Variants in RAPGEF6 observed in about 807,000 individuals in gnomAD.
The protein encoded by RAPGEF6 is PDZ domain containing guanine nucleotide exchange factor (GEF) 2.
Under a neutral mutation model 171.4 loss-of-function variants are expected in RAPGEF6, and 56 were observed. That is an observed-to-expected ratio of 0.33 (90% CI 0.26 to 0.41). The LOEUF is 0.41. Ranked by LOEUF, RAPGEF6 falls within the 10% of genes least tolerant of loss-of-function variation. The pLI, the probability that RAPGEF6 is intolerant of heterozygous loss-of-function variation, is 1.00. For missense variants in RAPGEF6, 1,674 were observed against 1,921.4 expected (o/e 0.87, Z 2.41); for synonymous variants, 692 against 650.1 (o/e 1.06, Z -0.98).
chr5:131,629,287 C>G (rs959597830), intron 1 of RAPGEF6, among the ~76,000 whole-genome samples: 1 of 151,464 alleles, frequency 6.6e-6, no homozygotes, highest in Non-Finnish European at 1.5e-5. Context: ...CAAGACCAGT[C>G]CAGGCAATGT....
At chr5:131,521,885 ACACACACTCTCT>A (rs1210575886) in intron 6 of RAPGEF6, among the ~76,000 whole-genome samples, 3 of 126,886 alleles carry the variant, frequency 2.4e-5, no homozygotes, top group African/African-American at 9.9e-5. Context: ...ACACACACAC[ACACACACTCTCT>A]CTCTCTCTCA....
chr5:131,549,056 C>T (rs1032132216), intron 5 of RAPGEF6, among the ~76,000 whole-genome samples: 1 of 151,930 alleles, frequency 6.6e-6, no homozygotes, highest in Non-Finnish European at 1.5e-5. Flanking sequence ...AGGACAAAAA[C>T]CCTGTCTCAA....
At chr5:131,628,895 G>C in intron 1 of RAPGEF6, among the ~76,000 whole-genome samples, 1 of 152,058 alleles carries the variant, frequency 6.6e-6, no homozygotes, top group East Asian at 1.9e-4. Context: ...GAGACCCACT[G>C]CTCAGAAAAA....
rs181307611 is a variant in RAPGEF6 at position 131,479,043 on chromosome 5, T to C, written c.2081+470A>G. ...AGTATTTTACAGACCTTAATTTACA[T>C]TTAAAATCTTCAAGTATTACTAAGT... On this transcript the variant is annotated intron_variant, in intron 16 of 27. Coordinates refer to ENST00000509018, the MANE Select transcript of RAPGEF6 (RefSeq NM_016340.6). 2.6e-5 allele frequency among the ~76,000 whole-genome samples: 4 copies of C among 152,274 alleles called. No individual in the cohort carries two copies. The East Asian group carries it at 7.7e-4, about 29-fold the overall frequency.
intron 7 of RAPGEF6, among the ~76,000 whole-genome samples, 172 bp downstream of exon 7, chr5:131,521,218 C>T (rs1371589089): frequency 6.6e-6 from 1 of 152,158 alleles, no homozygotes; most frequent in Non-Finnish European, 1.5e-5. Context: ...AGACAGATCA[C>T]GTCTTTAATC....
At chr5:131,557,431 C>T (rs1161230716) in intron 5 of RAPGEF6, among the ~76,000 whole-genome samples, 2 of 152,144 alleles carry the variant, frequency 1.3e-5, no homozygotes, top group African/African-American at 4.8e-5. Flanking sequence ...GAGTATCCAA[C>T]GACCTTGTTG....
chr5:131,480,403 G>C (rs1755392192), intron 15 of RAPGEF6, among the ~76,000 whole-genome samples: 1 of 152,150 alleles, frequency 6.6e-6, no homozygotes, highest in Admixed American at 6.5e-5. Flanking sequence ...GTCAGGTTCA[G>C]ATTGTAAAAT....
intron 1 of RAPGEF6, among the ~76,000 whole-genome samples, chr5:131,623,833 C>T (rs1314616566): frequency 6.6e-6 from 1 of 152,178 alleles, no homozygotes; most frequent in Non-Finnish European, 1.5e-5. Context: ...TAGATATCTA[C>T]TATGTACCAA....
intron 4 of RAPGEF6, among the ~76,000 whole-genome samples, chr5:131,584,149 C>T (rs1365009798): frequency 6.6e-6 from 1 of 152,120 alleles, no homozygotes; most frequent in African/African-American, 2.4e-5. Flanking sequence ...TATGCCAAAG[C>T]TTATCAAACT....
At chr5:131,456,123 T>C (rs971698666) in intron 19 of RAPGEF6, 111 bp from the exon 20 acceptor site, 6 of 684,010 alleles carry the variant, frequency 8.8e-6, no homozygotes, top group African/African-American at 7.2e-5. Context: ...CAGGGACATA[T>C]TTTAACACAT....
At chr5:131,456,799 T>TCC (rs1753545399) in intron 19 of RAPGEF6, among the ~76,000 whole-genome samples, 1 of 152,242 alleles carries the variant, frequency 6.6e-6, no homozygotes, top group Admixed American at 6.5e-5. Flanking sequence ...GAGTTAGGTA[T>TCC]CTTTGTTCCC....
rs1753950452 is a variant in RAPGEF6, at chr5:131,461,731, G to A, written c.2838C>T (p.Asn946=). ...TTATTATTGCAAACATGGAATTGAA[G>A]TTCTTACATTCTCGACAATGAAGTG... ...KIALHCRECK[N]FNSMFAIISG... is the part of the protein sequence containing the mutation. The change falls in exon 19 of 28, where the codon AAC becomes AAT. Residue 946 remains asparagine, a synonymous_variant. Coordinates refer to ENST00000509018, the MANE Select transcript of RAPGEF6 (RefSeq NM_016340.6). 3 of 1,601,220 alleles carry A rather than the reference G, an allele frequency of 1.9e-6. No homozygotes were observed. The Admixed American group carries it at 5.0e-5, about 27-fold the overall frequency.
At chr5:131,558,218 GTTTTTTT>G (rs200045599) in intron 5 of RAPGEF6, among the ~76,000 whole-genome samples, 1 of 131,566 alleles carries the variant, frequency 7.6e-6, no homozygotes, top group African/African-American at 2.7e-5. Flanking sequence ...TGCCAGTTTG[GTTTTTTT>G]TTTTTTTTTC....
intron 24 of RAPGEF6, among the ~76,000 whole-genome samples, chr5:131,434,123 G>A (rs1350059154): frequency 6.6e-6 from 1 of 152,142 alleles, no homozygotes; most frequent in Non-Finnish European, 1.5e-5. Flanking sequence ...GGTAGGGGTG[G>A]GAGTCCAGGA....
chr5:131,551,592 T>G (rs191975406), intron 5 of RAPGEF6, among the ~76,000 whole-genome samples: 51 of 151,872 alleles, frequency 3.4e-4, no homozygotes, highest in African/African-American at 1.2e-3. Context: ...AAAGTCCAAC[T>G]TCATATTGCT....
At chr5:131,461,656 T>G (rs766315393) in intron 19 of RAPGEF6, 49 bp downstream of exon 19, 3 of 1,500,618 alleles carry the variant, frequency 2.0e-6, no homozygotes, top group East Asian at 4.6e-5. Context: ...ATCAGCTGCA[T>G]GTAATGACAA....
chr5:131,525,224 T>C (rs1258203725), intron 6 of RAPGEF6, among the ~76,000 whole-genome samples: 1 of 152,144 alleles, frequency 6.6e-6, no homozygotes, highest in Non-Finnish European at 1.5e-5. Context: ...AACTCCAGAA[T>C]GCATTTTCTT....
intron 7 of RAPGEF6, among the ~76,000 whole-genome samples, chr5:131,519,746 G>T (rs577672663): frequency 6.6e-6 from 1 of 152,296 alleles, no homozygotes; most frequent in African/African-American, 2.4e-5. Context: ...GAAATCTACA[G>T]CCACATCCCT....
At position 131,619,198 on chromosome 5, in the gene RAPGEF6, G is replaced by A. The variant is rs146154333; in HGVS notation, c.70-14505C>T. On this transcript the variant is annotated intron_variant, in intron 1 of 27. Coordinates refer to ENST00000509018, the MANE Select transcript of RAPGEF6 (RefSeq NM_016340.6). ...CTCACGCATTTACTAATCATTCTCA[G>A]CAAACTAACACAGGAACAGAAAACC... 2.5e-3 allele frequency among the ~76,000 whole-genome samples: 387 copies of A among 152,222 alleles called. 4 individuals are homozygous for A. Among genetic ancestry groups the A allele is most frequent in the African/African-American group, 9.0e-3 (372 of 41,522 alleles).
Sources: allele counts gnomAD v4.1 joint callset (sites outside exome capture counted in the v4.1 genomes callset), GRCh38; gene constraint gnomAD v4.1.1; transcripts MANE v1.5; gene names NCBI Gene and HGNC (gene_info 2026-07-23, HGNC 2026-07-21).